SLC35A3: variants seen among roughly 807,000 people sequenced by gnomAD.
SLC35A3 encodes solute carrier family 35 member A3.
SLC35A3 carries 26 observed loss-of-function variants against 39.0 expected under a neutral mutation model. The ratio of observed to expected loss-of-function variants is 0.67; its 90% CI spans 0.49 to 0.92. SLC35A3 has a LOEUF of 0.92. SLC35A3 is among the 40% of genes least tolerant of loss of function. The probability of loss-of-function intolerance (pLI) is 0.00; values close to 1 mark genes in which losing one functional copy is unlikely to be tolerated. For missense variants in SLC35A3, 299 were observed against 371.6 expected (o/e 0.80, Z 1.61); for synonymous variants, 135 against 133.1 (o/e 1.01, Z -0.10).
At chr1:100,010,854 A>G (rs1659581310) in intron 4 of SLC35A3, among the ~76,000 whole-genome samples, 1 of 152,116 alleles carries the variant, frequency 6.6e-6, no homozygotes, top group Non-Finnish European at 1.5e-5. Context: ...CTTCCAACAC[A>G]TTTCGTTTCC....
rs1557856159 is a variant in SLC35A3, at chr1:100,033,238, T to A, written c.*10762T>A. ...GGGAGTCTGAGGTGGGAGGATCACT[T>A]AAGGCCAGGGGTTCAAGACCAGCCT... On this transcript the variant is annotated 3_prime_UTR_variant, in exon 8 of 8. Coordinates refer to ENST00000533028, the MANE Select transcript of SLC35A3 (RefSeq NM_012243.3). 2 of 150,416 alleles carry A rather than the reference T, an allele frequency of 1.3e-5. No individual in the cohort carries two copies. The highest frequency in any genetic ancestry group is 1.3e-4 in the Admixed American group (2 of 15,076). 9.3% of individuals were successfully genotyped at this position (150,416 alleles called of 1,614,324 possible). A position where few individuals can be genotyped will look rare whatever the true frequency, so the allele number is the denominator to read the frequency against.
At chr1:99,985,841 G>A (rs1197725849) in intron 1 of SLC35A3, among the ~76,000 whole-genome samples, 1 of 152,150 alleles carries the variant, frequency 6.6e-6, no homozygotes, top group Non-Finnish European at 1.5e-5. Flanking sequence ...TATTGTAAAA[G>A]GGGTTGAGTT....
At chr1:100,013,434 A>G (rs943928725) in intron 5 of SLC35A3, among the ~76,000 whole-genome samples, 2 of 149,102 alleles carry the variant, frequency 1.3e-5, no homozygotes, top group Non-Finnish European at 3.0e-5. Flanking sequence ...GCAACACTAC[A>G]AAACTCTGTA....
In SLC35A3 at chr1:99,992,848, G is replaced by GGGGA. The variant is rs202121560; in HGVS notation, c.-18-682_-18-679dup. Among the ~76,000 whole-genome samples, 897 of 152,290 alleles carry GGGGA rather than the reference G, an allele frequency of 5.9e-3. 7 individuals are homozygous for GGGGA. Among genetic ancestry groups the GGGGA allele is most frequent in the African/African-American group, 0.02 (815 of 41,550 alleles). ...TCTTCTATGTTAATAGACAGCCACT[G>GGGGA]GGGAGGGAGGAAGAGTACTGCCTCC... On this transcript the variant is annotated intron_variant, in intron 1 of 7. Coordinates refer to ENST00000533028, the MANE Select transcript of SLC35A3 (RefSeq NM_012243.3).
At position 100,022,602 on chromosome 1, in the gene SLC35A3, TA is replaced by T. The variant is rs1308218960; in HGVS notation, c.*130del. The T allele has an allele frequency of 8.4e-6, 4 of 477,294 alleles. No homozygotes were observed. The highest frequency in any genetic ancestry group is 1.5e-5 in the Non-Finnish European group (4 of 266,678). The allele number at this position is 477,294 out of a possible 1,614,324, so 29.6% of individuals were successfully genotyped here. Reference sequence around the variant, plus strand: ...TGCTGAATCTGATCATACTGTTTTTTAAAAGTTTAAGGATAAGACATGTGTA... The same window carrying T: ...TGCTGAATCTGATCATACTGTTTTTTAAAGTTTAAGGATAAGACATGTGTA... On this transcript the variant is annotated 3_prime_UTR_variant, in exon 8 of 8. Coordinates refer to ENST00000533028, the MANE Select transcript of SLC35A3 (RefSeq NM_012243.3).
In SLC35A3 at chr1:99,999,377, T is replaced by C; in HGVS notation, c.304T>C (p.Tyr102His). The change falls in exon 3 of 8, where the codon TAT becomes CAT. Residue 102 changes from tyrosine to histidine, a missense_variant. By Grantham distance (83) the Tyr-to-His change is moderately conservative (BLOSUM62 2). Transcript: ENST00000533028. ...CTATACTCTTCAGAATAATTTACTG[T>C]ATGTGGCACTATCAAATCTAGATGC... is the stretch of plus-strand genomic sequence containing the variant. Reference protein sequence around the residue: ...GIYTLQNNLLYVALSNLDAAT... With the variant: ...GIYTLQNNLLHVALSNLDAAT... 2 of 1,590,610 alleles carry C rather than the reference T, an allele frequency of 1.3e-6. No homozygotes were observed. The highest frequency in any genetic ancestry group is 1.7e-6 in the Non-Finnish European group (2 of 1,171,918).
chr1:99,981,894 C>A (rs1321775747), intron 1 of SLC35A3, among the ~76,000 whole-genome samples: 1 of 151,904 alleles, frequency 6.6e-6, no homozygotes, highest in Non-Finnish European at 1.5e-5. Flanking sequence ...GAATGATAAG[C>A]TTTATACACA....
chr1:99,973,964 A>C (rs1274701251), intron 1 of SLC35A3, among the ~76,000 whole-genome samples: 1 of 151,680 alleles, frequency 6.6e-6, no homozygotes, highest in Non-Finnish European at 1.5e-5. Flanking sequence ...GCAGTGAGCC[A>C]AAATCGCTCC....
intron 2 of SLC35A3, among the ~76,000 whole-genome samples, chr1:99,994,907 T>A (rs759817430): frequency 1.3e-5 from 2 of 152,174 alleles, no homozygotes; most frequent in Non-Finnish European, 2.9e-5. Context: ...ACTGGATCAT[T>A]TTATATCTCC....
chr1:100,020,985 G>A (rs1001827263), intron 7 of SLC35A3, among the ~76,000 whole-genome samples: 58 of 151,992 alleles, frequency 3.8e-4, no homozygotes, highest in African/African-American at 1.3e-3. Context: ...ATTATTTTTC[G>A]TTTATAGGCA....
At chr1:100,009,999 C>CTATCCTATAA (rs1208628887) in intron 4 of SLC35A3, among the ~76,000 whole-genome samples, 16 of 152,266 alleles carry the variant, frequency 1.1e-4, no homozygotes, top group African/African-American at 3.6e-4. Context: ...TGTAGAACTA[C>CTATCCTATAA]ACTGTCCAGT....
rs1658622707 is a variant in SLC35A3, at chr1:99,999,481, T to C, written c.342+66T>C. On this transcript the variant is annotated intron_variant, in intron 3 of 7. Transcript: ENST00000533028. ...TTCTTATACATAATAATTGTATATA[T>C]TTATGGGGTACATGTGGTATTTTGA... is the stretch of plus-strand genomic sequence containing the variant. 6.7e-6 allele frequency: 7 copies of C among 1,040,032 alleles called. No homozygotes were observed. In the South Asian group the frequency reaches 9.4e-5, roughly 14 times the overall value. 64.4% of individuals were successfully genotyped at this position (1,040,032 alleles called of 1,614,324 possible). A position where few individuals can be genotyped will look rare whatever the true frequency, so the allele number is the denominator to read the frequency against.
At position 100,034,216 on chromosome 1, in the gene SLC35A3, T is replaced by A. The variant is rs922991706; in HGVS notation, c.*11740T>A. 6.6e-6 allele frequency: 1 copy of A among 152,180 alleles called. No individual in the cohort carries two copies. The highest frequency in any genetic ancestry group is 6.5e-5 in the Admixed American group (1 of 15,272). The allele number at this position is 152,180 out of a possible 1,614,324, so 9.4% of individuals were successfully genotyped here. On this transcript the variant is annotated 3_prime_UTR_variant, in exon 8 of 8. Transcript: ENST00000533028. ...ATATTATTTTATCTATGATCCTTTT[T>A]ATCTCATTTTTGTTCTCATAGCTGT... is the stretch of plus-strand genomic sequence containing the variant.
intron 7 of SLC35A3, among the ~76,000 whole-genome samples, chr1:100,020,848 C>T (rs1660484862): frequency 6.6e-6 from 1 of 152,148 alleles, no homozygotes; most frequent in Non-Finnish European, 1.5e-5. Flanking sequence ...TCTCTAAAGA[C>T]ACTGTCAAGA....
At chr1:99,986,011 A>C (rs767987482) in intron 1 of SLC35A3, among the ~76,000 whole-genome samples, 17 of 152,282 alleles carry the variant, frequency 1.1e-4, no homozygotes, top group Non-Finnish European at 2.2e-4. Context: ...TCATATTATC[A>C]GCAAACAGCC....
Position 100,003,299 on chromosome 1 carries a change from T to G in SLC35A3, c.343-3735T>G, listed in dbSNP as rs1220354059. Among the ~76,000 whole-genome samples the G allele has an allele frequency of 2.0e-5, 3 of 150,768 alleles. No homozygotes were observed. In the Admixed American group the frequency reaches 2.0e-4, roughly 10 times the overall value. ...AGCATGGTGGCGGGTACCTGTAATC[T>G]CAGCTACTCAGGAGGCTGAGGTAGG... On this transcript the variant is annotated intron_variant, in intron 3 of 7. Coordinates refer to ENST00000533028, the MANE Select transcript of SLC35A3 (RefSeq NM_012243.3).
At position 100,024,885 on chromosome 1, in the gene SLC35A3, C is replaced by T. The variant is rs186853116; in HGVS notation, c.*2409C>T. ...TGGATTTTATTAAACAGAATTGGCT[C>T]AAAAATACTATGTTACAGACTGTTG... On this transcript the variant is annotated 3_prime_UTR_variant, in exon 8 of 8. Transcript: ENST00000533028. 1.1e-5 allele frequency: 4 copies of T among 369,472 alleles called. No homozygotes were observed. The highest frequency in any genetic ancestry group is 1.4e-5 in the Non-Finnish European group (3 of 208,328). 22.9% of individuals were successfully genotyped at this position (369,472 alleles called of 1,614,324 possible). A position where few individuals can be genotyped will look rare whatever the true frequency, so the allele number is the denominator to read the frequency against.
At chr1:99,984,917 A>C (rs1380535010) in intron 1 of SLC35A3, among the ~76,000 whole-genome samples, 1 of 151,924 alleles carries the variant, frequency 6.6e-6, no homozygotes, top group Non-Finnish European at 1.5e-5. Context: ...CCTTAGCCCA[A>C]TTTTGGATGG....
chr1:99,994,898 C>T (rs754074588), intron 2 of SLC35A3, among the ~76,000 whole-genome samples: 3 of 152,198 alleles, frequency 2.0e-5, no homozygotes, highest in African/African-American at 4.8e-5. Flanking sequence ...TTCACAGCAA[C>T]TGGATCATTT....
Sources: allele counts gnomAD v4.1 joint callset (sites outside exome capture counted in the v4.1 genomes callset), GRCh38; gene constraint gnomAD v4.1.1; transcripts MANE v1.5; gene names NCBI Gene and HGNC (gene_info 2026-07-23, HGNC 2026-07-21).